The following MARCHF6 variants were observed in gnomAD, a reference collection of about 807,000 sequenced individuals.
MARCHF6 encodes E3 ubiquitin-protein ligase MARCHF6.
In MARCHF6, 31 loss-of-function variants were observed where a neutral mutation model predicts 133.7. The observed-to-expected ratio is 0.23, with a 90% CI of 0.17 to 0.31. The LOEUF (loss-of-function observed/expected upper bound fraction) is 0.31. Among genes scored for constraint, MARCHF6 ranks in the 10% least tolerant of loss-of-function variants. The probability of loss-of-function intolerance (pLI) is 1.00; values close to 1 mark genes in which losing one functional copy is unlikely to be tolerated. For missense variants in MARCHF6, 723 were observed against 1,121.6 expected (o/e 0.64, Z 5.08); for synonymous variants, 395 against 402.5 (o/e 0.98, Z 0.22).
chr5:10,423,718 G>C lies in MARCHF6; in HGVS notation c.2284-17G>C. On this transcript the variant is annotated splice_polypyrimidine_tract_variant and intron_variant, in intron 22 of 25. Coordinates refer to ENST00000274140, the MANE Select transcript of MARCHF6 (RefSeq NM_005885.4). ...AAAAAACAACAGAAATATGTTAAATGGTTTTTAATTCCCTAGGACTGGGCA... is the reference window on the plus strand; with the variant it reads ...AAAAAACAACAGAAATATGTTAAATCGTTTTTAATTCCCTAGGACTGGGCA... 1 of 1,559,658 alleles carries C rather than the reference G, an allele frequency of 6.4e-7. No individual in the cohort carries two copies. The highest frequency in any genetic ancestry group is 1.4e-5 in the African/African-American group (1 of 73,844).
At chr5:10,428,913 C>T (rs1349478247) in intron 24 of MARCHF6, among the ~76,000 whole-genome samples, 1 of 152,092 alleles carries the variant, frequency 6.6e-6, no homozygotes, top group South Asian at 2.1e-4. Context: ...ATGTTGGTAC[C>T]TGTTTTGCCC....
At position 10,420,926 on chromosome 5, in the gene MARCHF6, C is replaced by G. The variant is rs1739790679; in HGVS notation, c.2284-2809C>G. On this transcript the variant is annotated intron_variant, in intron 22 of 25. Coordinates refer to ENST00000274140, the MANE Select transcript of MARCHF6 (RefSeq NM_005885.4). ...TCTGATACAGACCAAATTCCTGCTT[C>G]TTAAATCCTCCCCCAAATCCCTAAC... Among the ~76,000 whole-genome samples, 4 of 152,226 alleles carry G rather than the reference C, an allele frequency of 2.6e-5. No individual in the cohort carries two copies. In the South Asian group the frequency reaches 8.3e-4, roughly 32 times the overall value.
intron 14 of MARCHF6, 24 bp downstream of exon 14, chr5:10,402,631 A>G (rs770040812): frequency 2.6e-6 from 4 of 1,566,484 alleles, no homozygotes; most frequent in South Asian, 1.1e-5. Flanking sequence ...TCATTATTGT[A>G]TAATAGCATA....
At chr5:10,397,176 A>G in intron 9 of MARCHF6, 117 bp from the exon 10 acceptor site, 1 of 666,500 alleles carries the variant, frequency 1.5e-6, no homozygotes, top group South Asian at 2.8e-5. Flanking sequence ...CAATAGAGGG[A>G]AAATTTCAAT....
At chr5:10,363,100 T>G (rs529350533) in intron 1 of MARCHF6, among the ~76,000 whole-genome samples, 42 of 152,058 alleles carry the variant, frequency 2.8e-4, no homozygotes, top group African/African-American at 9.6e-4. Context: ...TAGGGGAAAA[T>G]ATAGGAGAAA....
In MARCHF6 at chr5:10,429,911, A is replaced by G. The variant is rs1235341742; in HGVS notation, c.2525A>G (p.Gln842Arg). The G allele has an allele frequency of 1.2e-6, 2 of 1,612,832 alleles. No individual in the cohort carries two copies. The highest frequency in any genetic ancestry group is 8.5e-7 in the Non-Finnish European group (1 of 1,178,988). ...VPLLGVTAEM[Q>R]NLVHRRIYPF... is the part of the protein sequence containing the mutation. ...TTTCTAGGTGTTACTGCGGAAATGC[A>G]AAACTTAGTCCATCGGCGGATTTAT... The change falls in exon 25 of 26, where the codon CAA (glutamine) becomes CGA (arginine). Residue 842 changes from glutamine to arginine, a missense_variant. Physicochemically the swap from Gln to Arg is conservative, Grantham distance 43 (BLOSUM62 1). Coordinates refer to ENST00000274140, the MANE Select transcript of MARCHF6 (RefSeq NM_005885.4).
At position 10,353,987 on chromosome 5, in the gene MARCHF6, G is replaced by C. The variant is rs1054228931; in HGVS notation, c.19+70G>C. 1.6e-5 allele frequency: 24 copies of C among 1,464,350 alleles called. No homozygotes were observed. The African/African-American group carries it at 3.2e-4, about 20-fold the overall frequency. The allele number at this position is 1,464,350 out of a possible 1,614,324, so 90.7% of individuals were successfully genotyped here. Reference sequence around the variant, plus strand: ...GGGTTCGTACCCCGGCCAGGTCCGCGGCGCTCGAGGTGGGCTGCTGGATCG... The same window carrying C: ...GGGTTCGTACCCCGGCCAGGTCCGCCGCGCTCGAGGTGGGCTGCTGGATCG... On this transcript the variant is annotated intron_variant, in intron 1 of 25. Transcript: ENST00000274140.
At chr5:10,390,650 G>A in intron 6 of MARCHF6, 150 bp downstream of exon 6, 1 of 778,700 alleles carries the variant, frequency 1.3e-6, no homozygotes, top group Non-Finnish European at 2.0e-6. Flanking sequence ...GGGTGAAGAT[G>A]AAGAGAGATG....
intron 25 of MARCHF6, among the ~76,000 whole-genome samples, chr5:10,431,983 A>G (rs1016464246): frequency 6.6e-6 from 1 of 152,258 alleles, no homozygotes; most frequent in Non-Finnish European, 1.5e-5. Flanking sequence ...CAGTGGGGTA[A>G]GGAATGGCTA....
chr5:10,403,481 T>C lies in MARCHF6; in HGVS notation c.1272T>C (p.His424=), dbSNP rs371375567. The change falls in exon 15 of 26, where the codon CAT becomes CAC. Residue 424 remains histidine, a synonymous_variant. Transcript: ENST00000274140. The part of the protein sequence containing the change: ...QSAPGTTMFL[H]WLVGMVYVFY... ...CTCCAGGTACTACCATGTTTCTGCA[T>C]TGGCTAGTGGGAATGGTATATGTCT... 1.9e-5 allele frequency: 30 copies of C among 1,613,824 alleles called. 1 individual carries two copies. The highest frequency in any genetic ancestry group is 5.0e-5 in the Admixed American group (3 of 59,986).
chr5:10,364,396 G>A (rs545287237), intron 1 of MARCHF6, among the ~76,000 whole-genome samples: 3 of 152,260 alleles, frequency 2.0e-5, no homozygotes, highest in Admixed American at 1.3e-4. Flanking sequence ...CATCAGCAGG[G>A]CTGTATGAAG....
intron 25 of MARCHF6, among the ~76,000 whole-genome samples, chr5:10,432,188 G>C (rs917704835): frequency 6.6e-6 from 1 of 152,208 alleles, no homozygotes; most frequent in Non-Finnish European, 1.5e-5. Context: ...GAAGGTACTG[G>C]TGAAAAGTAA....
chr5:10,409,582 T>A (rs1395247249), intron 17 of MARCHF6, among the ~76,000 whole-genome samples: 1 of 152,170 alleles, frequency 6.6e-6, no homozygotes, highest in Non-Finnish European at 1.5e-5. Flanking sequence ...GGCTTTTGCT[T>A]GAGTGAATTG....
chr5:10,433,767 C>G lies in MARCHF6; in HGVS notation c.*83C>G. 2 of 1,127,212 alleles carry G rather than the reference C, an allele frequency of 1.8e-6. No individual in the cohort carries two copies. Among genetic ancestry groups the G allele is most frequent in the Non-Finnish European group, 2.7e-6 (2 of 742,624 alleles). 69.8% of individuals were successfully genotyped at this position (1,127,212 alleles called of 1,614,324 possible). On this transcript the variant is annotated 3_prime_UTR_variant, in exon 26 of 26. Coordinates refer to ENST00000274140, the MANE Select transcript of MARCHF6 (RefSeq NM_005885.4). ...CTCTTTGGAGATTTTTCCCAGTGAT[C>G]TCTCAGCGTTGTTTTTAAGTTAAAT... is the stretch of plus-strand genomic sequence containing the variant.
At chr5:10,411,588 G>A in intron 19 of MARCHF6, 51 bp downstream of exon 19, 4 of 1,484,454 alleles carry the variant, frequency 2.7e-6, no homozygotes, top group East Asian at 2.3e-5. Context: ...TGGTTTTTTT[G>A]TTCTCCAAAT....
chr5:10,403,966 C>T (rs577244987), intron 15 of MARCHF6, among the ~76,000 whole-genome samples: 6 of 152,058 alleles, frequency 3.9e-5, no homozygotes, highest in South Asian at 2.1e-4. Context: ...TTGATTTAGG[C>T]GCCTTAAGTA....
At chr5:10,359,427 T>C (rs1050426808) in intron 1 of MARCHF6, among the ~76,000 whole-genome samples, 1 of 152,150 alleles carries the variant, frequency 6.6e-6, no homozygotes, top group Non-Finnish European at 1.5e-5. Context: ...TAATATAGAA[T>C]ACAGTATATA....
At chr5:10,387,389 G>T (rs921149796) in intron 5 of MARCHF6, among the ~76,000 whole-genome samples, 38 of 149,892 alleles carry the variant, frequency 2.5e-4, no homozygotes, top group African/African-American at 8.8e-4. Flanking sequence ...TGCAACCTCC[G>T]CCTCCTGAGT....
chr5:10,432,621 T>A (rs1740421438), intron 25 of MARCHF6, among the ~76,000 whole-genome samples: 2 of 152,266 alleles, frequency 1.3e-5, no homozygotes, highest in African/African-American at 4.8e-5. Context: ...GAGATGTCTG[T>A]CTCCTTGAGT....
Sources: gnomAD v4.1 joint callset for allele counts (sites outside exome capture counted in the v4.1 genomes callset) on GRCh38, gnomAD v4.1.1 for gene constraint, MANE v1.5 for transcripts, NCBI Gene and HGNC (gene_info 2026-07-23, HGNC 2026-07-21) for gene names.